Variants in COX7B2 observed in about 807,000 individuals in gnomAD.
COX7B2 encodes cytochrome c oxidase subunit 7B2, mitochondrial.
For synonymous variants in COX7B2, 37 were observed against 32.1 expected (o/e 1.15, Z -0.51); for missense variants, 109 against 95.9 (o/e 1.14, Z -0.57).
intron 2 of COX7B2, among the ~76,000 whole-genome samples, chr4:46,758,359 C>T (rs1476848493): frequency 2.0e-5 from 3 of 152,074 alleles, no homozygotes; most frequent in African/African-American, 7.2e-5. Context: ...GTTATCTCAA[C>T]TAACCATTAT....
At chr4:46,821,846 A>T (rs558178453) in intron 2 of COX7B2, among the ~76,000 whole-genome samples, 1 of 152,310 alleles carries the variant, frequency 6.6e-6, no homozygotes, top group East Asian at 1.9e-4. Flanking sequence ...ACATTGCCAA[A>T]ATTGTTGCCA....
chr4:46,875,342 T>C (rs1047161811), intron 1 of COX7B2, among the ~76,000 whole-genome samples: 8 of 152,212 alleles, frequency 5.3e-5, no homozygotes, highest in African/African-American at 1.4e-4. Context: ...CAGTAGCTTC[T>C]GGAGCCAGTT....
At chr4:46,902,375 A>G (rs1405553891) in intron 1 of COX7B2, among the ~76,000 whole-genome samples, 1 of 152,220 alleles carries the variant, frequency 6.6e-6, no homozygotes, top group African/African-American at 2.4e-5. Flanking sequence ...CACAAAAAGA[A>G]AGAAAGCATT....
intron 1 of COX7B2, chr4:46,876,709 C>T (rs1718365006): frequency 6.6e-6 from 1 of 152,012 alleles, no homozygotes. Context: ...CCCGGCCCGT[C>T]CTATTGTCTT....
chr4:46,905,767 C>G (rs915009846), intron 1 of COX7B2, among the ~76,000 whole-genome samples: 12 of 147,836 alleles, frequency 8.1e-5, no homozygotes, highest in South Asian at 2.2e-4. Context: ...TAAAGGTGGA[C>G]TCTATCTTAC....
intron 2 of COX7B2, among the ~76,000 whole-genome samples, chr4:46,840,299 T>C (rs552694494): frequency 2.0e-5 from 3 of 152,082 alleles, no homozygotes; most frequent in South Asian, 4.2e-4. Flanking sequence ...CTGGATAGAA[T>C]TATGGCAGAT....
rs150606405 is a variant in COX7B2, at chr4:46,851,789, G to A, written c.-104-6775C>T. Among the ~76,000 whole-genome samples the A allele has an allele frequency of 2.2e-3, 334 of 152,110 alleles. 1 individual carries two copies. The highest frequency in any genetic ancestry group is 7.9e-3 in the African/African-American group (326 of 41,522). On this transcript the variant is annotated intron_variant, in intron 1 of 2. Transcript: ENST00000355591. Reference sequence around the variant, plus strand: ...TAATGATCTATCAAATTACAATGACGTTATGTATTTTTTGATAAGAATACT... The same window carrying A: ...TAATGATCTATCAAATTACAATGACATTATGTATTTTTTGATAAGAATACT...
chr4:46,794,340 GGTT>G (rs1175339997), intron 2 of COX7B2, among the ~76,000 whole-genome samples: 4 of 152,116 alleles, frequency 2.6e-5, no homozygotes, highest in Admixed American at 2.0e-4. Context: ...TTGGTTGGTT[GGTT>G]GGCTAAAACA....
At chr4:46,870,286 C>G (rs1298993419) in intron 1 of COX7B2, among the ~76,000 whole-genome samples, 1 of 151,338 alleles carries the variant, frequency 6.6e-6, no homozygotes, top group African/African-American at 2.4e-5. Context: ...ATTCAATAAC[C>G]CTTCCTGTTC....
chr4:46,786,339 C>T (rs976523719), intron 2 of COX7B2, among the ~76,000 whole-genome samples: 5 of 152,200 alleles, frequency 3.3e-5, no homozygotes, highest in Non-Finnish European at 7.3e-5. Flanking sequence ...CATACTTTAT[C>T]TGACCACTCT....
At chr4:46,773,099 A>C (rs527528293) in intron 2 of COX7B2, among the ~76,000 whole-genome samples, 42 of 152,330 alleles carry the variant, frequency 2.8e-4, no homozygotes, top group African/African-American at 9.4e-4. Context: ...CACATGAAAT[A>C]CGATGTCTAT....
intron 1 of COX7B2, among the ~76,000 whole-genome samples, chr4:46,863,724 G>A (rs1577671330): frequency 6.6e-6 from 1 of 151,932 alleles, no homozygotes; most frequent in Admixed American, 6.6e-5. Context: ...TTCTCCTCTG[G>A]TTTTAACTCT....
chr4:46,890,916 G>A (rs890584012), intron 1 of COX7B2, among the ~76,000 whole-genome samples: 4 of 152,160 alleles, frequency 2.6e-5, no homozygotes, highest in African/African-American at 9.6e-5. Context: ...TTCTGGTCAT[G>A]TGTAAAACAT....
intron 2 of COX7B2, among the ~76,000 whole-genome samples, chr4:46,763,135 GTATAATTATA>G (rs1321284871): frequency 2.5e-5 from 2 of 79,904 alleles, no homozygotes; most frequent in Non-Finnish European, 4.8e-5. Flanking sequence ...AATTATAATT[GTATAATTATA>G]TATTATAATA....
chr4:46,828,232 A>G (rs1320607076), intron 2 of COX7B2, among the ~76,000 whole-genome samples: 9 of 152,182 alleles, frequency 5.9e-5, no homozygotes, highest in African/African-American at 1.9e-4. Flanking sequence ...TAAAACTAAC[A>G]AAGTATTAAT....
At chr4:46,798,992 T>C (rs1022463974) in intron 2 of COX7B2, among the ~76,000 whole-genome samples, 7 of 152,188 alleles carry the variant, frequency 4.6e-5, no homozygotes, top group African/African-American at 1.7e-4. Flanking sequence ...TCTTGATATA[T>C]CTGGCTCCCC....
intron 1 of COX7B2, among the ~76,000 whole-genome samples, chr4:46,883,739 G>A (rs1056588846): frequency 2.6e-5 from 4 of 151,214 alleles, no homozygotes; most frequent in East Asian, 1.9e-4. Context: ...CAGCCTGGGC[G>A]ACAGAGTGAG....
At chr4:46,798,615 A>G (rs1718483553) in intron 2 of COX7B2, among the ~76,000 whole-genome samples, 1 of 152,138 alleles carries the variant, frequency 6.6e-6, no homozygotes, top group East Asian at 1.9e-4. Context: ...CTTTTGAAAA[A>G]TAGCTCTTGG....
chr4:46,792,002 G>T lies in COX7B2; in HGVS notation c.-50+52958C>A, dbSNP rs191338511. ...GTGCAGAGCCAAAGAGGATCTTAAA[G>T]CCTCTAAATATTTCAGCTATCACAA... On this transcript the variant is annotated intron_variant, in intron 2 of 2. Transcript: ENST00000355591. Among the ~76,000 whole-genome samples the T allele has an allele frequency of 1.2e-3, 187 of 152,260 alleles. 1 individual carries two copies. The highest frequency in any genetic ancestry group is 4.3e-3 in the African/African-American group (177 of 41,554).
Sources: gnomAD v4.1 joint callset for allele counts (sites outside exome capture counted in the v4.1 genomes callset) on GRCh38, gnomAD v4.1.1 for gene constraint, MANE v1.5 for transcripts, NCBI Gene and HGNC (gene_info 2026-07-23, HGNC 2026-07-21) for gene names.